CTNND2: variants seen among roughly 807,000 people sequenced by gnomAD.
CTNND2 encodes the protein catenin delta-2.
Under a neutral mutation model 144.4 loss-of-function variants are expected in CTNND2, and 22 were observed. The ratio of observed to expected loss-of-function variants is 0.15; its 90% CI spans 0.11 to 0.22. The LOEUF is 0.22. Among genes scored for constraint, CTNND2 ranks in the 10% least tolerant of loss-of-function variants. CTNND2 has a pLI of 1.00. For synonymous variants in CTNND2, 751 were observed against 695.6 expected (o/e 1.08, Z -1.25); for missense variants, 1,353 against 1,618.8 (o/e 0.84, Z 2.82).
At chr5:11,875,259 C>A (rs1292429174) in intron 1 of CTNND2, among the ~76,000 whole-genome samples, 1 of 152,156 alleles carries the variant, frequency 6.6e-6, no homozygotes, top group African/African-American at 2.4e-5. Flanking sequence ...TTCAAAACTA[C>A]CTCCCTCTTC....
At chr5:11,463,465 T>C (rs896307947) in intron 3 of CTNND2, among the ~76,000 whole-genome samples, 6 of 152,156 alleles carry the variant, frequency 3.9e-5, no homozygotes, top group Admixed American at 6.5e-5. Flanking sequence ...ACATACATGA[T>C]GGTAATGTGC....
intron 14 of CTNND2, among the ~76,000 whole-genome samples, chr5:11,104,629 G>T (rs574922306): frequency 6.6e-6 from 1 of 152,274 alleles, no homozygotes; most frequent in African/African-American, 2.4e-5. Context: ...AGCGAGAAAT[G>T]ATTCTTTGTG....
At chr5:11,778,086 A>T (rs1790349993) in intron 1 of CTNND2, among the ~76,000 whole-genome samples, 1 of 152,068 alleles carries the variant, frequency 6.6e-6, no homozygotes, top group African/African-American at 2.4e-5. Flanking sequence ...TGAGACTGGA[A>T]ATCTCAGTTT....
At chr5:11,208,082 T>C (rs1738237191) in intron 10 of CTNND2, among the ~76,000 whole-genome samples, 1 of 152,144 alleles carries the variant, frequency 6.6e-6, no homozygotes. Context: ...TTGGTCAGAA[T>C]ATTAACAGAA....
intron 2 of CTNND2, among the ~76,000 whole-genome samples, chr5:11,668,442 A>G (rs1783693029): frequency 6.6e-6 from 1 of 152,172 alleles, no homozygotes. Context: ...TATTTCCTTG[A>G]GCAGTGGTTT....
chr5:11,586,454 A>G (rs1322776091), intron 2 of CTNND2, among the ~76,000 whole-genome samples: 1 of 152,216 alleles, frequency 6.6e-6, no homozygotes, highest in African/African-American at 2.4e-5. Context: ...AAAATATAAG[A>G]CTTCTAAAAT....
At position 11,396,990 on chromosome 5, in the gene CTNND2, C is replaced by A. The variant is rs200372479; in HGVS notation, c.612+41G>T. The A allele has an allele frequency of 2.6e-6, 4 of 1,564,156 alleles. No homozygotes were observed. In the East Asian group the frequency reaches 9.2e-5, roughly 36 times the overall value. The stretch of plus-strand genomic sequence containing the variant: ...ACTGCATGCCCATTCCCCACCTGTC[C>A]CCTTGGAGTCCACTGACACCATACA... On this transcript the variant is annotated intron_variant, in intron 6 of 21. Coordinates refer to ENST00000304623, the MANE Select transcript of CTNND2 (RefSeq NM_001332.4).
At chr5:11,847,582 A>G (rs1158024599) in intron 1 of CTNND2, among the ~76,000 whole-genome samples, 1 of 152,070 alleles carries the variant, frequency 6.6e-6, no homozygotes, top group Non-Finnish European at 1.5e-5. Context: ...GGGTGACCAC[A>G]GCAAGTAACA....
intron 2 of CTNND2, among the ~76,000 whole-genome samples, chr5:11,641,313 T>C (rs530645589): frequency 4.7e-4 from 72 of 152,090 alleles, no homozygotes; most frequent in Non-Finnish European, 9.1e-4. Flanking sequence ...ATGAACACAG[T>C]AGAAACATCT....
chr5:11,424,339 G>A lies in CTNND2; in HGVS notation c.288-12270C>T, dbSNP rs537990270. 3.3e-5 allele frequency among the ~76,000 whole-genome samples: 5 copies of A among 152,322 alleles called. No homozygotes were observed. In the South Asian group the frequency reaches 6.2e-4, roughly 19 times the overall value. ...AGGATTTAGGGATGGAGAAGGAGGT[G>A]TGTGGCTAAAAAGGGGTAGCACGGG... On this transcript the variant is annotated intron_variant, in intron 3 of 21. Coordinates refer to ENST00000304623, the MANE Select transcript of CTNND2 (RefSeq NM_001332.4).
At chr5:11,000,635 A>G (rs1579997845) in intron 18 of CTNND2, among the ~76,000 whole-genome samples, 1 of 152,214 alleles carries the variant, frequency 6.6e-6, no homozygotes, top group Non-Finnish European at 1.5e-5. Context: ...ATTCTCATGA[A>G]TATCTTTTCA....
intron 1 of CTNND2, among the ~76,000 whole-genome samples, chr5:11,780,789 G>C (rs1790503439): frequency 6.6e-6 from 1 of 152,146 alleles, no homozygotes. Flanking sequence ...GCTTAAAATA[G>C]GTGATGCTTT....
intron 2 of CTNND2, among the ~76,000 whole-genome samples, chr5:11,697,076 G>C (rs1785174894): frequency 6.6e-6 from 1 of 152,198 alleles, no homozygotes; most frequent in African/African-American, 2.4e-5. Flanking sequence ...TGTTTTTGAA[G>C]ACTGTTTAAG....
intron 3 of CTNND2, among the ~76,000 whole-genome samples, chr5:11,472,946 T>C (rs1767366814): frequency 6.6e-6 from 1 of 152,106 alleles, no homozygotes. Context: ...TGGTGGCGCA[T>C]GCCTGTGGTC....
At chr5:11,002,283 G>C (rs1740036027) in intron 18 of CTNND2, among the ~76,000 whole-genome samples, 1 of 152,228 alleles carries the variant, frequency 6.6e-6, no homozygotes, top group South Asian at 2.1e-4. Context: ...TGCAGAGCAT[G>C]TCAATAAGAG....
chr5:11,259,328 T>C (rs944482998), intron 9 of CTNND2, among the ~76,000 whole-genome samples: 8 of 151,996 alleles, frequency 5.3e-5, no homozygotes, highest in Non-Finnish European at 1.5e-5. Context: ...CCCTTTTAGA[T>C]CCCAGCCACC....
At chr5:11,171,759 G>A (rs1759944919) in intron 11 of CTNND2, among the ~76,000 whole-genome samples, 1 of 152,112 alleles carries the variant, frequency 6.6e-6, no homozygotes, top group Non-Finnish European at 1.5e-5. Context: ...ACCATGGGAG[G>A]GCATCACGGA....
intron 9 of CTNND2, among the ~76,000 whole-genome samples, chr5:11,245,527 C>G (rs1052070875): frequency 6.6e-6 from 1 of 152,048 alleles, no homozygotes; most frequent in Non-Finnish European, 1.5e-5. Flanking sequence ...GAGGGGTCCA[C>G]GAGCCAAGGG....
chr5:11,138,163 GCCT>G (rs1013760526), intron 12 of CTNND2, among the ~76,000 whole-genome samples: 2 of 152,084 alleles, frequency 1.3e-5, no homozygotes, highest in Non-Finnish European at 2.9e-5. Flanking sequence ...TTGGCGTGTG[GCCT>G]CCTTTCTCCA....
Sources: allele counts gnomAD v4.1 joint callset (sites outside exome capture counted in the v4.1 genomes callset), GRCh38; gene constraint gnomAD v4.1.1; transcripts MANE v1.5; gene names NCBI Gene and HGNC (gene_info 2026-07-23, HGNC 2026-07-21).